AIM2: variants seen among roughly 807,000 people sequenced by gnomAD.
AIM2 encodes absent in melanoma 2.
Under a neutral mutation model 27.7 loss-of-function variants are expected in AIM2, and 30 were observed. The ratio of observed to expected loss-of-function variants is 1.08; its 90% CI spans 0.81 to 1.47. The LOEUF is 1.47. AIM2 is among the 40% of genes most tolerant of loss of function. The probability of loss-of-function intolerance (pLI) is 0.00; values close to 1 mark genes in which losing one functional copy is unlikely to be tolerated. For missense variants in AIM2, 358 were observed against 411.3 expected, an observed-to-expected ratio of 0.87 and a Z score of 1.12; for synonymous variants, 141 against 145.3, an observed-to-expected ratio of 0.97 and a Z score of 0.21.
At chr1:159,083,754 T>A (rs1656836188) in intron 1 of AIM2, among the ~76,000 whole-genome samples, 1 of 152,210 alleles carries the variant, frequency 6.6e-6, no homozygotes, top group Admixed American at 6.5e-5. Context: ...AGAAATAGAA[T>A]TCTTTACTTC....
At chr1:159,127,605 C>G (rs1391419049) in intron 1 of AIM2, among the ~76,000 whole-genome samples, 1 of 152,218 alleles carries the variant, frequency 6.6e-6, no homozygotes, top group East Asian at 1.9e-4. Context: ...CGCAGCAAAA[C>G]TATTCCCTGT....
At chr1:159,120,842 C>T (rs1313200961) in intron 1 of AIM2, among the ~76,000 whole-genome samples, 3 of 152,118 alleles carry the variant, frequency 2.0e-5, no homozygotes, top group Non-Finnish European at 4.4e-5. Context: ...CAAACAGAAG[C>T]TCAAACAGAA....
At chr1:159,134,386 G>A (rs1647975006) in intron 1 of AIM2, among the ~76,000 whole-genome samples, 1 of 152,166 alleles carries the variant, frequency 6.6e-6, no homozygotes, top group Non-Finnish European at 1.5e-5. Context: ...TTATTCTTTG[G>A]CTTAAAATCT....
At chr1:159,116,939 A>G (rs933366837) in intron 1 of AIM2, among the ~76,000 whole-genome samples, 3 of 152,178 alleles carry the variant, frequency 2.0e-5, no homozygotes, top group Non-Finnish European at 2.9e-5. Context: ...AAAGGTACTG[A>G]ATTTTTTTAA....
rs2102052831 is a variant in AIM2 at position 159,134,069 on chromosome 1, G to A, written c.-16+6362C>T. Among the ~76,000 whole-genome samples the A allele has an allele frequency of 2.6e-5, 4 of 152,216 alleles. No homozygotes were observed. The Middle Eastern group carries it at 0.01, about 388-fold the overall frequency. ...TTCTTCAAGTGTTTCTGATCTTAGC[G>A]AATGGTGTGCAAACCAGAAATCTTA... On this transcript the variant is annotated intron_variant, in intron 1 of 2. Transcript: ENST00000368129.
chr1:159,059,801 G>T (rs1655773079), downstream of AIM2, among the ~76,000 whole-genome samples: 1 of 152,070 alleles, frequency 6.6e-6, no homozygotes, highest in African/African-American at 2.4e-5. Context: ...ATTACCCTCT[G>T]CTCAAAAGAA....
chr1:159,057,599 A>T (rs557432999), downstream of AIM2, among the ~76,000 whole-genome samples: 1 of 152,220 alleles, frequency 6.6e-6, no homozygotes, highest in African/African-American at 2.4e-5. Context: ...CATTACCCAT[A>T]CCTTTTGTTC....
At chr1:159,089,320 T>A (rs1656994633) in intron 1 of AIM2, among the ~76,000 whole-genome samples, 1 of 152,182 alleles carries the variant, frequency 6.6e-6, no homozygotes, top group East Asian at 1.9e-4. Context: ...TAGTGAATGG[T>A]AGAAATAAGA....
chr1:159,146,179 G>A (rs1433592867), intron 1 of AIM2, among the ~76,000 whole-genome samples: 1 of 151,936 alleles, frequency 6.6e-6, no homozygotes, highest in Non-Finnish European at 1.5e-5. Flanking sequence ...CAAGAAGGAT[G>A]AGGAAACTAG....
chr1:159,057,376 GA>G, the AIM2 span, among the ~76,000 whole-genome samples: 2 of 152,200 alleles, frequency 1.3e-5, no homozygotes, highest in Admixed American at 1.3e-4. Flanking sequence ...ACAAGGAAGA[GA>G]AAAAGATGTC....
intron 1 of AIM2, among the ~76,000 whole-genome samples, chr1:159,086,818 AT>A (rs1656924471): frequency 6.6e-6 from 1 of 152,240 alleles, no homozygotes; most frequent in South Asian, 2.1e-4. Context: ...AAGAGTTTAC[AT>A]GTTTAAAACA....
intron 2 of AIM2, among the ~76,000 whole-genome samples, chr1:159,070,544 G>A (rs1656308778): frequency 6.6e-6 from 1 of 152,164 alleles, no homozygotes; most frequent in Non-Finnish European, 1.5e-5. Flanking sequence ...GGCAGAAGAG[G>A]GCCTGGGAAA....
chr1:159,120,070 T>C (rs961888226), intron 1 of AIM2, among the ~76,000 whole-genome samples: 20 of 152,158 alleles, frequency 1.3e-4, no homozygotes, highest in African/African-American at 4.3e-4. Flanking sequence ...CCCTCCTAAT[T>C]TCTTTGTTTC....
intron 3 of AIM2, among the ~76,000 whole-genome samples, chr1:159,066,698 G>A (rs939126735): frequency 6.6e-6 from 1 of 152,074 alleles, no homozygotes; most frequent in Middle Eastern, 3.2e-3. Context: ...AATTCCATTC[G>A]GGCATGTGTC....
intron 1 of AIM2, among the ~76,000 whole-genome samples, chr1:159,097,384 A>C (rs1297682307): frequency 6.6e-6 from 1 of 151,894 alleles, no homozygotes; most frequent in Non-Finnish European, 1.5e-5. Flanking sequence ...ACATCCTCCC[A>C]CTCTTTATTC....
chr1:159,083,610 C>T (rs899070730), intron 1 of AIM2, among the ~76,000 whole-genome samples: 5 of 152,172 alleles, frequency 3.3e-5, no homozygotes, highest in Admixed American at 1.3e-4. Flanking sequence ...TTTAGCTCTA[C>T]TAAATTTTAG....
chr1:159,082,198 T>C (rs1656793516), intron 1 of AIM2, among the ~76,000 whole-genome samples: 1 of 152,158 alleles, frequency 6.6e-6, no homozygotes, highest in African/African-American at 2.4e-5. Context: ...AGCAATTCCT[T>C]TAACATTTGA....
At chr1:159,105,928 G>A (rs1412990364) in intron 1 of AIM2, among the ~76,000 whole-genome samples, 3 of 152,148 alleles carry the variant, frequency 2.0e-5, no homozygotes, top group Non-Finnish European at 4.4e-5. Context: ...GTTTGAAGAT[G>A]GGGCTTCACT....
chr1:159,075,531 CAATACA>C (rs1656564165), intron 1 of AIM2, among the ~76,000 whole-genome samples: 1 of 112,184 alleles, frequency 8.9e-6, no homozygotes, highest in Admixed American at 9.7e-5. Flanking sequence ...CAGATACCTG[CAATACA>C]CACACACACA....
Sources: gnomAD v4.1 joint callset for allele counts (sites outside exome capture counted in the v4.1 genomes callset) on GRCh38, gnomAD v4.1.1 for gene constraint, MANE v1.5 for transcripts, NCBI Gene and HGNC (gene_info 2026-07-23, HGNC 2026-07-21) for gene names.